MCTP1: variants seen among roughly 807,000 people sequenced by gnomAD.
MCTP1 encodes the protein multiple C2 and transmembrane domain containing 1.
In MCTP1, 69 loss-of-function variants were observed where a neutral mutation model predicts 120.6. The ratio of observed to expected loss-of-function variants is 0.57; its 90% CI spans 0.47 to 0.70. MCTP1 has a LOEUF of 0.70. Ranked by LOEUF, MCTP1 falls within the 30% of genes least tolerant of loss-of-function variation. The probability of loss-of-function intolerance (pLI) is 0.00; values close to 1 mark genes in which losing one functional copy is unlikely to be tolerated. For missense variants in MCTP1, 1,203 were observed against 1,248.8 expected (o/e 0.96, Z 0.55); for synonymous variants, 529 against 493.1 (o/e 1.07, Z -0.96).
chr5:94,912,037 T>C (rs1808749400), intron 9 of MCTP1, among the ~76,000 whole-genome samples: 1 of 152,146 alleles, frequency 6.6e-6, no homozygotes, highest in South Asian at 2.1e-4. Context: ...TTCTAATAAA[T>C]TTTAAAATTT....
intron 12 of MCTP1, among the ~76,000 whole-genome samples, chr5:94,878,002 C>CA (rs758965514): frequency 5.9e-5 from 9 of 152,100 alleles, no homozygotes; most frequent in Non-Finnish European, 1.0e-4. Context: ...CTTTCAATAG[C>CA]ATGGAAAGCA....
intron 1 of MCTP1, among the ~76,000 whole-genome samples, chr5:95,200,043 C>T (rs190146014): frequency 6.6e-6 from 1 of 151,848 alleles, no homozygotes; most frequent in East Asian, 1.9e-4. Context: ...TGCCTGCAAT[C>T]GCAGCTACTT....
At chr5:95,220,155 G>A (rs367721914) in intron 1 of MCTP1, among the ~76,000 whole-genome samples, 23 of 152,218 alleles carry the variant, frequency 1.5e-4, no homozygotes, top group East Asian at 1.4e-3. Context: ...TTCCTTAAGC[G>A]GCTGCTAATA....
intron 1 of MCTP1, among the ~76,000 whole-genome samples, chr5:95,276,249 G>T: frequency 8.5e-6 from 1 of 118,164 alleles, no homozygotes; most frequent in African/African-American, 3.0e-5. Flanking sequence ...GTCAATATTG[G>T]GATTTTTTTT....
intron 2 of MCTP1, among the ~76,000 whole-genome samples, chr5:95,010,994 A>G (rs1225993120): frequency 6.6e-6 from 1 of 152,140 alleles, no homozygotes; most frequent in Admixed American, 6.5e-5. Context: ...TTTGACAAGA[A>G]TGCCACAGAA....
At chr5:95,110,743 C>T (rs1434092453) in intron 1 of MCTP1, among the ~76,000 whole-genome samples, 1 of 152,154 alleles carries the variant, frequency 6.6e-6, no homozygotes, top group Non-Finnish European at 1.5e-5. Context: ...ATCCCAGTCA[C>T]TGGCTAGGCT....
intron 6 of MCTP1, 36 bp from the exon 7 acceptor site, chr5:94,924,057 T>C (rs1445525719): frequency 4.0e-6 from 5 of 1,258,226 alleles, no homozygotes; most frequent in Non-Finnish European, 5.4e-6. Flanking sequence ...CATTTTGAGA[T>C]GTTTTTGAGA....
chr5:95,280,680 A>G (rs562872582), intron 1 of MCTP1, among the ~76,000 whole-genome samples: 1 of 152,306 alleles, frequency 6.6e-6, no homozygotes, highest in African/African-American at 2.4e-5. Flanking sequence ...AAAACAGAAC[A>G]TTTGAAATAA....
At chr5:95,175,136 A>T (rs2152503941) in intron 1 of MCTP1, among the ~76,000 whole-genome samples, 1 of 152,342 alleles carries the variant, frequency 6.6e-6, no homozygotes, top group African/African-American at 2.4e-5. Context: ...TGCACTTTTA[A>T]ATCAATTTTT....
intron 3 of MCTP1, among the ~76,000 whole-genome samples, chr5:94,952,136 C>T (rs1284202096): frequency 7.6e-6 from 1 of 130,744 alleles, no homozygotes; most frequent in Non-Finnish European, 1.6e-5. Flanking sequence ...CGTGCCACTG[C>T]ACTCCAGCCT....
At chr5:94,789,200 G>A (rs970199528) in intron 18 of MCTP1, 5 of 152,186 alleles carry the variant, frequency 3.3e-5, no homozygotes, top group African/African-American at 9.7e-5. Context: ...AACTGAGCAA[G>A]GTGGGAAGAA....
chr5:94,999,204 T>G (rs1366211024), intron 2 of MCTP1, among the ~76,000 whole-genome samples: 1 of 152,178 alleles, frequency 6.6e-6, no homozygotes. Flanking sequence ...CAGGAACACA[T>G]AAAATTTCCT....
chr5:95,194,334 G>A (rs981078933), intron 1 of MCTP1, among the ~76,000 whole-genome samples: 2 of 152,162 alleles, frequency 1.3e-5, no homozygotes, highest in African/African-American at 4.8e-5. Flanking sequence ...TCAAACCCAG[G>A]CAGTTTGGCT....
At chr5:95,050,292 G>C (rs919710525) in intron 1 of MCTP1, among the ~76,000 whole-genome samples, 1 of 152,044 alleles carries the variant, frequency 6.6e-6, no homozygotes, top group Non-Finnish European at 1.5e-5. Flanking sequence ...AAACGTTTTT[G>C]TGTAAGCATT....
intron 3 of MCTP1, among the ~76,000 whole-genome samples, chr5:94,952,192 A>AAAAAAAAAAAAAAAAG (rs1561912862): frequency 7.0e-5 from 10 of 143,406 alleles, no homozygotes; most frequent in Non-Finnish European, 1.5e-4. Context: ...AAAAAAAAAA[A>AAAAAAAAAAAAAAAAG]AGCTATTGAA....
rs543142340 is a variant in MCTP1 at position 94,867,262 on chromosome 5, G to A, written c.2436+1071C>T. ...CGATAATGACAATTGCTTTCTTTAG[G>A]GAGACAACAACACGTCTATGGGAAG... On this transcript the variant is annotated intron_variant, in intron 17 of 22. Coordinates refer to ENST00000515393, the MANE Select transcript of MCTP1 (RefSeq NM_024717.7). The A allele has an allele frequency of 2.7e-6, 4 of 1,501,146 alleles. No homozygotes were observed. The South Asian group carries it at 5.1e-5, about 19-fold the overall frequency. The allele number at this position is 1,501,146 out of a possible 1,614,324, so 93.0% of individuals were successfully genotyped here.
chr5:94,776,659 T>A (rs1361131577), intron 19 of MCTP1, among the ~76,000 whole-genome samples: 1 of 152,224 alleles, frequency 6.6e-6, no homozygotes, highest in African/African-American at 2.4e-5. Context: ...TTATACCATA[T>A]GAGAAAACAG....
chr5:95,125,003 C>G (rs1231562824), intron 1 of MCTP1, among the ~76,000 whole-genome samples: 1 of 152,150 alleles, frequency 6.6e-6, no homozygotes, highest in Non-Finnish European at 1.5e-5. Context: ...CAGTAGTGAT[C>G]AGAGATCAAA....
At chr5:95,010,645 G>C (rs567389257) in intron 2 of MCTP1, among the ~76,000 whole-genome samples, 8 of 152,254 alleles carry the variant, frequency 5.3e-5, no homozygotes, top group African/African-American at 1.9e-4. Context: ...AGTGAAGCTG[G>C]ATTGGAGTTG....
Sources: allele counts gnomAD v4.1 joint callset (sites outside exome capture counted in the v4.1 genomes callset), GRCh38; gene constraint gnomAD v4.1.1; transcripts MANE v1.5; gene names NCBI Gene and HGNC (gene_info 2026-07-23, HGNC 2026-07-21).